Variants in YY1AP1 observed in about 807,000 individuals in gnomAD.
YY1AP1 encodes YY1 associated protein 1.
YY1AP1 carries 43 observed loss-of-function variants against 39.9 expected under a neutral mutation model. That is an observed-to-expected ratio of 1.08 (90% CI 0.84 to 1.39). The LOEUF (loss-of-function observed/expected upper bound fraction) is 1.39, where lower values mean the gene tolerates loss of function less well. Among genes scored for constraint, YY1AP1 ranks in the 40% most tolerant of loss-of-function variants. The pLI, the probability that YY1AP1 is intolerant of heterozygous loss-of-function variation, is 0.00. For synonymous variants in YY1AP1, 292 were observed against 331.3 expected (o/e 0.88, Z 1.29); for missense variants, 813 against 900.7 (o/e 0.90, Z 1.25).
At chr1:155,669,596 A>G (rs1057340705) in intron 8 of YY1AP1, among the ~76,000 whole-genome samples, 5 of 152,236 alleles carry the variant, frequency 3.3e-5, no homozygotes, top group Non-Finnish European at 5.9e-5. Context: ...AACAAATATA[A>G]AATGAATAAT....
At chr1:155,669,099 T>C (rs1428686465) in intron 8 of YY1AP1, among the ~76,000 whole-genome samples, 1 of 152,200 alleles carries the variant, frequency 6.6e-6, no homozygotes, top group African/African-American at 2.4e-5. Flanking sequence ...AGTGGCATGA[T>C]TACAGTGCAC....
intron 2 of YY1AP1, among the ~76,000 whole-genome samples, chr1:155,682,168 TACA>T (rs1651614364): frequency 6.6e-6 from 1 of 152,210 alleles, no homozygotes; most frequent in Non-Finnish European, 1.5e-5. Context: ...ACTCTTGTTC[TACA>T]AATATTCAAA....
chr1:155,662,888 T>C (rs1311530443), intron 9 of YY1AP1, among the ~76,000 whole-genome samples: 1 of 151,784 alleles, frequency 6.6e-6, no homozygotes, highest in African/African-American at 2.4e-5. Flanking sequence ...CCTGTGATCC[T>C]AGCTACTTGG....
rs762972281 is a variant in YY1AP1, at chr1:155,679,476, C to G, written c.58G>C (p.Asp20His). The G allele has an allele frequency of 4.3e-5, 69 of 1,614,124 alleles. No homozygotes were observed. The highest frequency in any genetic ancestry group is 1.0e-4 in the Admixed American group (6 of 60,012). Residue 20 changes from aspartate to histidine, a missense_variant, in exon 4 of 11, where the codon GAT becomes CAT. Physicochemically the swap from Asp to His is moderately conservative, Grantham distance 81. Coordinates refer to ENST00000355499, the MANE Select transcript of YY1AP1 (RefSeq NM_139119.3). ...ACACGCTCCTCCTCTTCTGGGCCAT[C>G]ATCTTCCATGTTGGAGAATCCCATC... ...DEMGFSNMED[D>H]GPEEEERVAE...
chr1:155,675,191 T>C (rs1650462277), intron 5 of YY1AP1, 95 bp from the exon 6 acceptor site: 1 of 1,154,630 alleles, frequency 8.7e-7, no homozygotes, highest in African/African-American at 1.5e-5. Context: ...GACAGGGTCT[T>C]GCTCTGTCAC....
At position 155,665,225 on chromosome 1, in the gene YY1AP1, C is replaced by G. The variant is rs549242126; in HGVS notation, c.879+3402G>C. Among the ~76,000 whole-genome samples the G allele has an allele frequency of 4.0e-5, 6 of 151,794 alleles. No individual in the cohort carries two copies. The South Asian group carries it at 1.3e-3, about 32-fold the overall frequency. On this transcript the variant is annotated intron_variant, in intron 9 of 10. Transcript: ENST00000355499. ...TTGAACCCAGGAGTCTGAGACCAGC[C>G]TGGGCAAAAAACTGAGACCCCCCCA... is the stretch of plus-strand genomic sequence containing the variant.
chr1:155,668,389 G>T (rs541520137), intron 9 of YY1AP1, among the ~76,000 whole-genome samples: 1 of 152,104 alleles, frequency 6.6e-6, no homozygotes, highest in South Asian at 2.1e-4. Flanking sequence ...TCAAGAAAGA[G>T]AATTATTACA....
chr1:155,682,105 G>C (rs1302144854), intron 2 of YY1AP1, among the ~76,000 whole-genome samples: 2 of 152,154 alleles, frequency 1.3e-5, no homozygotes, highest in East Asian at 3.8e-4. Context: ...TGAGAAATTA[G>C]GAGGCAGCTT....
In YY1AP1 at chr1:155,679,455, G is replaced by A. The variant is rs550862847; in HGVS notation, c.79C>T (p.Arg27Cys). ...MEDDGPEEEE[R>C]VAEPQANFNT... ...AAGTTAGCTTGAGGCTCAGCCACAC[G>A]CTCCTCCTCTTCTGGGCCATCATCT... The change falls in exon 4 of 11, where the codon CGT becomes TGT. Residue 27 changes from arginine (R) to cysteine (C), a missense_variant. By Grantham distance (180) the Arg-to-Cys change is radical (BLOSUM62 -3). This residue lies in a region of YY1AP1 where 196 missense variants were observed against 189.7 expected (regional missense o/e 1.03). Transcript: ENST00000355499. The A allele has an allele frequency of 8.0e-5, 129 of 1,614,182 alleles. 2 individuals carry two copies. In the South Asian group the frequency reaches 8.3e-4, roughly 10 times the overall value.
In YY1AP1 at chr1:155,677,197, A is replaced by C. The variant is rs978508529; in HGVS notation, c.126-451T>G. Among the ~76,000 whole-genome samples, 5 of 152,190 alleles carry C rather than the reference A, an allele frequency of 3.3e-5. No individual in the cohort carries two copies. The East Asian group carries it at 9.6e-4, about 29-fold the overall frequency. On this transcript the variant is annotated intron_variant, in intron 4 of 10. Transcript: ENST00000355499. Reference sequence around the variant, plus strand: ...GCCCTGCTTTCTTAACAAGTCAAAGACTTTCTAGCATGAAGCAGGAAAAGG... The same window carrying C: ...GCCCTGCTTTCTTAACAAGTCAAAGCCTTTCTAGCATGAAGCAGGAAAAGG...
rs942379058 is a variant in YY1AP1 at position 155,659,599 on chromosome 1, G to T, written c.*58C>A. The T allele has an allele frequency of 8.8e-6, 14 of 1,593,068 alleles. No individual in the cohort carries two copies. Among genetic ancestry groups the T allele is most frequent in the Non-Finnish European group, 1.1e-5 (13 of 1,166,198 alleles). On this transcript the variant is annotated 3_prime_UTR_variant, in exon 11 of 11. Coordinates refer to ENST00000355499, the MANE Select transcript of YY1AP1 (RefSeq NM_139119.3). ...GTTTCCTATTGGTTACACCCTATGC[G>T]CCACCAATCGGAGGCCGAAGTGAAG...
At chr1:155,679,709 T>G in intron 3 of YY1AP1, 197 bp from the exon 4 acceptor site, 2 of 985,420 alleles carry the variant, frequency 2.0e-6, no homozygotes, top group South Asian at 4.7e-5. Flanking sequence ...AGGAAAGAAG[T>G]TGCTCAACCA....
intron 9 of YY1AP1, among the ~76,000 whole-genome samples, chr1:155,665,975 G>A (rs1218104276): frequency 6.6e-6 from 1 of 151,984 alleles, no homozygotes; most frequent in East Asian, 1.9e-4. Context: ...AGGGCTCAGG[G>A]AGCAATTTCT....
intron 7 of YY1AP1, 100 bp from the exon 8 acceptor site, chr1:155,670,564 T>TAAGGA: frequency 7.8e-7 from 1 of 1,282,848 alleles, no homozygotes; most frequent in Non-Finnish European, 1.1e-6. Context: ...GCTGTCCTTA[T>TAAGGA]CTAACTTGAT....
At chr1:155,673,258 C>T (rs944585379) in intron 6 of YY1AP1, among the ~76,000 whole-genome samples, 2 of 152,138 alleles carry the variant, frequency 1.3e-5, no homozygotes, top group African/African-American at 2.4e-5. Flanking sequence ...TCACAATCCG[C>T]CTGCCTCGGC....
chr1:155,660,705 T>G lies in YY1AP1; in HGVS notation c.1205A>C (p.Lys402Thr). ...LKPVADRFPK[K>T]AWRQKRSSVL... ...TGATGAACGCTTCTGTCTCCAAGCC[T>G]TCTTGGGGAAACGGTCGGCAACTGG... The change falls in exon 11 of 11, where the codon AAG (lysine) becomes ACG (threonine). Residue 402 changes from lysine (K) to threonine (T), a missense_variant. Around this residue, in one of 3 missense-constraint regions of YY1AP1, gnomAD observed 586 missense variants for 647.4 expected, o/e 0.91. Coordinates refer to ENST00000355499, the MANE Select transcript of YY1AP1 (RefSeq NM_139119.3). 1 of 1,614,234 alleles carries G rather than the reference T, an allele frequency of 6.2e-7. No homozygotes were observed. The highest frequency in any genetic ancestry group is 8.5e-7 in the Non-Finnish European group (1 of 1,180,042).
At position 155,660,248 on chromosome 1, in the gene YY1AP1, G is replaced by A. The variant is rs1301030935; in HGVS notation, c.1662C>T (p.Ile554=). The A allele has an allele frequency of 6.2e-7, 1 of 1,614,238 alleles. No individual in the cohort carries two copies. Among genetic ancestry groups the A allele is most frequent in the Non-Finnish European group, 8.5e-7 (1 of 1,180,040 alleles). Residue 554 remains isoleucine (I), a synonymous_variant, in exon 11 of 11, where the codon ATC becomes ATT. Coordinates refer to ENST00000355499, the MANE Select transcript of YY1AP1 (RefSeq NM_139119.3). The stretch of plus-strand genomic sequence containing the variant: ...TCACAGTGGTAGCAGGAACAGTGAA[G>A]ATAACAGATGCAGGGTGGATAACAG... The part of the protein sequence containing the change: ...PAPVIHPASV[I]FTVPATTVKI...
intron 8 of YY1AP1, among the ~76,000 whole-genome samples, chr1:155,669,110 T>C (rs1434142612): frequency 6.6e-6 from 1 of 152,222 alleles, no homozygotes; most frequent in African/African-American, 2.4e-5. Context: ...TACAGTGCAC[T>C]GCAGTCTTGA....
At position 155,688,099 on chromosome 1, in the gene YY1AP1, AC is replaced by A. The variant is rs1652802185; in HGVS notation, c.-50del. On this transcript the variant is annotated 5_prime_UTR_variant, in exon 2 of 11. Transcript: ENST00000355499. The stretch of plus-strand genomic sequence containing the variant: ...GTCGGAGGCCGAGAGCGATGAGAGT[AC>A]AGGGAAGTGAGGAAGAGGGGGTGGC... 2 of 1,607,690 alleles carry A rather than the reference AC, an allele frequency of 1.2e-6. No homozygotes were observed. Among genetic ancestry groups the A allele is most frequent in the Middle Eastern group, 1.7e-4 (1 of 6,032 alleles).
Sources: gnomAD v4.1 joint callset for allele counts (sites outside exome capture counted in the v4.1 genomes callset) on GRCh38, gnomAD v4.1.1 for gene constraint, gnomAD v4.1.1 regional missense constraint, MANE v1.5 for transcripts, NCBI Gene and HGNC (gene_info 2026-07-23, HGNC 2026-07-21) for gene names.